NDUFS1: variants seen among roughly 807,000 people sequenced by gnomAD.
NDUFS1 encodes NADH-ubiquinone oxidoreductase 75 kDa subunit, mitochondrial.
In NDUFS1, 61 loss-of-function variants were observed where a neutral mutation model predicts 84.4. The observed-to-expected ratio is 0.72, with a 90% confidence interval of 0.59 to 0.89. The LOEUF (loss-of-function observed/expected upper bound fraction) is 0.89, where lower values mean the gene tolerates loss of function less well. NDUFS1 is among the 40% of genes least tolerant of loss of function. The pLI, the probability that NDUFS1 is intolerant of heterozygous loss-of-function variation, is 0.00. For synonymous variants in NDUFS1, 275 were observed against 290.0 expected (o/e 0.95, Z 0.53); for missense variants, 891 against 890.0 (o/e 1.00, Z -0.01).
At position 206,138,580 on chromosome 2, in the gene NDUFS1, C is replaced by T; in HGVS notation, c.1297G>A (p.Gly433Ser). The change falls in exon 13 of 19, where the codon GGC becomes AGC. Residue 433 changes from glycine (G) to serine (S), a missense_variant. Gly to Ser is a moderately conservative substitution (Grantham distance 56). Transcript: ENST00000233190. ...LHNDLKVALI[G>S]SPVDLTYTYD... The stretch of plus-strand genomic sequence containing the variant: ...GTGTAAGTGAGGTCCACTGGACTGC[C>T]TATAAGGGCCACTTTTAAGTCATTA... The T allele has an allele frequency of 6.2e-7, 1 of 1,613,920 alleles. No homozygotes were observed. Among genetic ancestry groups the T allele is most frequent in the Non-Finnish European group, 8.5e-7 (1 of 1,179,892 alleles).
chr2:206,128,077 C>G, intron 15 of NDUFS1, 105 bp from the exon 16 acceptor site: 3 of 1,330,780 alleles, frequency 2.3e-6, no homozygotes, highest in Non-Finnish European at 3.2e-6. Flanking sequence ...TGTAAAGTCA[C>G]AAAAGTTTTT....
At chr2:206,129,189 T>C (rs1387127098) in intron 15 of NDUFS1, among the ~76,000 whole-genome samples, 2 of 152,230 alleles carry the variant, frequency 1.3e-5, no homozygotes, top group East Asian at 3.8e-4. Context: ...GAAGATGTTA[T>C]GAAGTACGCA....
intron 4 of NDUFS1, among the ~76,000 whole-genome samples, chr2:206,149,341 T>C (rs1005821565): frequency 1.3e-5 from 2 of 152,202 alleles, no homozygotes; most frequent in African/African-American, 4.8e-5. Flanking sequence ...TAATAGTCAA[T>C]GCAATTTTTT....
rs1182600376 is a variant in NDUFS1, at chr2:206,115,902, G to A, written c.*8283C>T. On this transcript the variant is annotated 3_prime_UTR_variant, in exon 19 of 19. Transcript: ENST00000233190. ...ACTAGAGCCTAGTCTAAAAATCATAGGATGTTGTGAAAAAGACACATATTA... is the reference window on the plus strand; with the variant it reads ...ACTAGAGCCTAGTCTAAAAATCATAAGATGTTGTGAAAAAGACACATATTA... The A allele has an allele frequency of 1.7e-6, 1 of 587,574 alleles. No homozygotes were observed. The highest frequency in any genetic ancestry group is 3.1e-6 in the Non-Finnish European group (1 of 323,782). The allele number at this position is 587,574 out of a possible 1,614,324, so 36.4% of individuals were successfully genotyped here.
intron 9 of NDUFS1, among the ~76,000 whole-genome samples, chr2:206,144,366 T>C (rs1448373484): frequency 6.6e-6 from 1 of 152,130 alleles, no homozygotes; most frequent in African/African-American, 2.4e-5. Context: ...CCTTAAATCA[T>C]ACAAAAAAAA....
intron 13 of NDUFS1, among the ~76,000 whole-genome samples, chr2:206,138,091 G>A (rs1314474318): frequency 6.6e-6 from 1 of 152,122 alleles, no homozygotes; most frequent in East Asian, 1.9e-4. Context: ...CTGTATTGGT[G>A]TAAGTTTTTT....
rs987914048 is a variant in NDUFS1 at position 206,123,528 on chromosome 2, T to G, written c.*657A>C. Reference sequence around the variant, plus strand: ...GCTTTGGAGTAAATAAGAAGTAGGTTTGAGTTGGTGACTTTTGCTGTGTGG... The same window carrying G: ...GCTTTGGAGTAAATAAGAAGTAGGTGTGAGTTGGTGACTTTTGCTGTGTGG... On this transcript the variant is annotated 3_prime_UTR_variant, in exon 19 of 19. Coordinates refer to ENST00000233190, the MANE Select transcript of NDUFS1 (RefSeq NM_005006.7). The G allele has an allele frequency of 1.3e-5, 2 of 152,176 alleles. No individual in the cohort carries two copies. Among genetic ancestry groups the G allele is most frequent in the African/African-American group, 4.8e-5 (2 of 41,448 alleles). 9.4% of individuals were successfully genotyped at this position (152,176 alleles called of 1,614,324 possible). A position where few individuals can be genotyped will look rare whatever the true frequency, so the allele number is the denominator to read the frequency against.
chr2:206,146,211 T>C (rs1461094885), intron 8 of NDUFS1, among the ~76,000 whole-genome samples: 2 of 151,986 alleles, frequency 1.3e-5, no homozygotes, highest in African/African-American at 2.4e-5. Context: ...CACTTAAAAA[T>C]AAAACCAAGA....
At chr2:206,141,795 C>T (rs951883813) in intron 12 of NDUFS1, 146 bp downstream of exon 12, 2 of 657,328 alleles carry the variant, frequency 3.0e-6, no homozygotes, top group East Asian at 3.1e-5. Context: ...GACTCCGTCC[C>T]ACCAAAAAAA....
At chr2:206,130,274 T>C (rs1323194808) in intron 14 of NDUFS1, 32 bp from the exon 15 acceptor site, 4 of 1,612,058 alleles carry the variant, frequency 2.5e-6, no homozygotes, top group African/African-American at 1.3e-5. Context: ...TTACCATAAC[T>C]GCAGTATTTT....
chr2:206,147,423 T>C (rs1575985595), intron 7 of NDUFS1, 108 bp downstream of exon 7: 1 of 1,116,450 alleles, frequency 9.0e-7, no homozygotes, highest in South Asian at 1.5e-5. Context: ...ATCCCTCTTC[T>C]CCCACCCAAA....
chr2:206,144,480 G>A (rs1255088014), intron 9 of NDUFS1, among the ~76,000 whole-genome samples: 1 of 152,182 alleles, frequency 6.6e-6, no homozygotes, highest in Non-Finnish European at 1.5e-5. Context: ...CAAAGCATGA[G>A]TATCTCTAAA....
In NDUFS1 at chr2:206,120,626, C is replaced by T. The variant is rs1489878933; in HGVS notation, c.*3559G>A. 6.6e-6 allele frequency: 1 copy of T among 152,430 alleles called. No individual in the cohort carries two copies. The highest frequency in any genetic ancestry group is 1.5e-5 in the Non-Finnish European group (1 of 68,250). 9.4% of individuals were successfully genotyped at this position (152,430 alleles called of 1,614,324 possible). On this transcript the variant is annotated 3_prime_UTR_variant, in exon 19 of 19. Transcript: ENST00000233190. ...TCAGGGTATCTGGCAGAAGAAATTT[C>T]TAAGCAGCAAAGCATTCAAGATGTG...
chr2:206,115,547 T>A lies in NDUFS1; in HGVS notation c.*8638A>T, dbSNP rs897660895. ...GGCCTCCAGAATTGTAAGAAGTAAA[T>A]TTTTTTTTTTTTTAACGAAGAAGTG... On this transcript the variant is annotated 3_prime_UTR_variant, in exon 19 of 19. Transcript: ENST00000233190. The A allele has an allele frequency of 3.1e-5, 4 of 127,810 alleles. No individual in the cohort carries two copies. Among genetic ancestry groups the A allele is most frequent in the Admixed American group, 7.5e-5 (1 of 13,330 alleles). 7.9% of individuals were successfully genotyped at this position (127,810 alleles called of 1,614,324 possible).
chr2:206,125,806 TC>T (rs2105942541), intron 18 of NDUFS1, among the ~76,000 whole-genome samples: 2 of 152,232 alleles, frequency 1.3e-5, no homozygotes, highest in South Asian at 4.1e-4. Context: ...CTCTCCCTCC[TC>T]CCACTCTCCA....
At position 206,115,762 on chromosome 2, in the gene NDUFS1, A is replaced by T; in HGVS notation, c.*8423T>A. 2.5e-6 allele frequency: 1 copy of T among 397,418 alleles called. No individual in the cohort carries two copies. Among genetic ancestry groups the T allele is most frequent in the South Asian group, 2.0e-5 (1 of 50,498 alleles). The allele number at this position is 397,418 out of a possible 1,614,324, so 24.6% of individuals were successfully genotyped here. ...TATTTCATCCCAAGTCCAGGTATGGACATACACAAGTTACAATATTATATA... is the reference window on the plus strand; with the variant it reads ...TATTTCATCCCAAGTCCAGGTATGGTCATACACAAGTTACAATATTATATA... On this transcript the variant is annotated 3_prime_UTR_variant, in exon 19 of 19. Transcript: ENST00000233190.
intron 18 of NDUFS1, among the ~76,000 whole-genome samples, chr2:206,126,151 A>C (rs1315289132): frequency 6.6e-6 from 1 of 152,210 alleles, no homozygotes; most frequent in African/African-American, 2.4e-5. Flanking sequence ...AACATTCCTA[A>C]CAATTTACAT....
At chr2:206,149,993 C>A in intron 3 of NDUFS1, 68 bp from the exon 4 acceptor site, 1 of 1,004,066 alleles carries the variant, frequency 1.0e-6, no homozygotes, top group Non-Finnish European at 1.6e-6. Context: ...GCTGTTATTG[C>A]TGAAACACAC....
At chr2:206,126,961 TC>T in intron 16 of NDUFS1, 117 bp from the exon 17 acceptor site, 1 of 1,246,772 alleles carries the variant, frequency 8.0e-7, no homozygotes, top group Non-Finnish European at 1.1e-6. Flanking sequence ...CCTATTGGTG[TC>T]CATTAGTAGA....
Sources: allele counts gnomAD v4.1 joint callset (sites outside exome capture counted in the v4.1 genomes callset), GRCh38; gene constraint gnomAD v4.1.1; transcripts MANE v1.5; gene names NCBI Gene and HGNC (gene_info 2026-07-23, HGNC 2026-07-21).